Variants in FLNC observed in about 807,000 individuals in gnomAD.
FLNC encodes filamin-C.
In FLNC, 91 loss-of-function variants were observed where a neutral mutation model predicts 254.3. The observed-to-expected ratio is 0.36, with a 90% confidence interval of 0.30 to 0.43. The LOEUF is 0.43. Among genes scored for constraint, FLNC ranks in the 20% least tolerant of loss-of-function variants. The pLI is 1.00. For missense variants in FLNC, 2,853 were observed against 3,802.6 expected (o/e 0.75, Z 6.57); for synonymous variants, 1,430 against 1,577.2 (o/e 0.91, Z 2.21).
chr7:128,843,387 C>T, intron 17 of FLNC, 21 bp from the exon 18 acceptor site: 1 of 1,613,882 alleles, frequency 6.2e-7, no homozygotes. Context: ...GCCCTCACCA[C>T]ATCTCTGGGT....
At position 128,840,191 on chromosome 7, in the gene FLNC, G is replaced by A. The variant is rs748491057; in HGVS notation, c.1549+31G>A. 5.0e-6 allele frequency: 8 copies of A among 1,611,812 alleles called. No individual in the cohort carries two copies. In the East Asian group the frequency reaches 1.3e-4, roughly 27 times the overall value. ...TGCCAGAGCCCAGGGTCGTGAGGGT[G>A]GGGCTGGGGGATCATAAGGGAAGTA... On this transcript the variant is annotated intron_variant, in intron 9 of 47. Coordinates refer to ENST00000325888, the MANE Select transcript of FLNC (RefSeq NM_001458.5).
chr7:128,852,586 A>AC lies in FLNC; in HGVS notation c.5843-3dup. ...AGCAGCCTGATGCCCCAACTCCCCC[A>AC]CCAGGTGATGACTCCATGAGGACCT... On this transcript the variant is annotated splice_region_variant and splice_polypyrimidine_tract_variant and intron_variant, in intron 35 of 47. Coordinates refer to ENST00000325888, the MANE Select transcript of FLNC (RefSeq NM_001458.5). 6.2e-7 allele frequency: 1 copy of AC among 1,613,140 alleles called. No individual in the cohort carries two copies. Among genetic ancestry groups the AC allele is most frequent in the Non-Finnish European group, 8.5e-7 (1 of 1,179,978 alleles).
At chr7:128,853,383 G>A (rs765886858) in intron 37 of FLNC, 86 bp from the exon 38 acceptor site, 7 of 1,543,452 alleles carry the variant, frequency 4.5e-6, no homozygotes, top group Non-Finnish European at 6.2e-6. Flanking sequence ...GCCCATTCTG[G>A]GTGGAGCCTG....
intron 9 of FLNC, 112 bp from the exon 10 acceptor site, chr7:128,840,436 G>T: frequency 6.9e-7 from 1 of 1,446,028 alleles, no homozygotes; most frequent in Non-Finnish European, 9.6e-7. Context: ...GCTCACTACA[G>T]CACTGCCCTC....
chr7:128,849,477 G>A lies in FLNC; in HGVS notation c.5098G>A (p.Gly1700Ser), dbSNP rs1264382469. 3.7e-6 allele frequency: 6 copies of A among 1,614,076 alleles called. No individual in the cohort carries two copies. Among genetic ancestry groups the A allele is most frequent in the African/African-American group, 1.3e-5 (1 of 74,932 alleles). The change falls in exon 30 of 48, where the codon GGT becomes AGT. Residue 1700 changes from glycine (G) to serine (S), a missense_variant. Physicochemically the swap from Gly to Ser is moderately conservative, Grantham distance 56. This residue lies in a region of FLNC where 258 missense variants were observed against 312.3 expected (regional missense o/e 0.83). Transcript: ENST00000325888. ...LDVDVVENHD[G>S]TFDIYYTAPE... ...TGTGGATGTGGTTGAGAACCATGACGGTACCTTTGACATCTACTACACAGC... is the reference window on the plus strand; with the variant it reads ...TGTGGATGTGGTTGAGAACCATGACAGTACCTTTGACATCTACTACACAGC...
rs2128937845 is a variant in FLNC, at chr7:128,849,558, A to G, written c.5179A>G (p.Asn1727Asp). 6.2e-7 allele frequency: 1 copy of G among 1,614,008 alleles called. No individual in the cohort carries two copies. The highest frequency in any genetic ancestry group is 8.5e-7 in the Non-Finnish European group (1 of 1,180,008). The change falls in exon 30 of 48, where the codon AAC becomes GAC. Residue 1727 changes from asparagine (N) to aspartate (D), a missense_variant. By Grantham distance (23) the Asn-to-Asp change is conservative. This residue lies in a region of FLNC where 258 missense variants were observed against 312.3 expected (regional missense o/e 0.83). Transcript: ENST00000325888. ...TIRFGGEHIPNSPFHVLACDP... is the reference protein window; with the variant it reads ...TIRFGGEHIPDSPFHVLACDP... ...CCGCTTCGGGGGTGAGCACATCCCC[A>G]ACAGCCCCTTCCACGTGCTGGTAAG...
chr7:128,853,332 C>G (rs1808904608), intron 37 of FLNC, 137 bp from the exon 38 acceptor site: 3 of 1,122,094 alleles, frequency 2.7e-6, no homozygotes, highest in Non-Finnish European at 1.3e-6. Context: ...CCCGCTCCTC[C>G]CACTGAGCCA....
rs1440938123 is a variant in FLNC, at chr7:128,844,921, G to A, written c.3456G>A (p.Val1152=). The A allele has an allele frequency of 6.2e-7, 1 of 1,613,936 alleles. No homozygotes were observed. The highest frequency in any genetic ancestry group is 1.3e-5 in the African/African-American group (1 of 75,054). The change falls in exon 21 of 48, where the codon GTG becomes GTA. Residue 1152 remains valine, a synonymous_variant. Coordinates refer to ENST00000325888, the MANE Select transcript of FLNC (RefSeq NM_001458.5). ...CCTTCAAAGCCACCATTCGGCCTGTGTTTGACCCGAGCAAGGTGCGGGCCA... is the reference window on the plus strand; with the variant it reads ...CCTTCAAAGCCACCATTCGGCCTGTATTTGACCCGAGCAAGGTGCGGGCCA... ...GSPFKATIRP[V]FDPSKVRASG... is the part of the protein sequence containing the mutation.
intron 24 of FLNC, among the ~76,000 whole-genome samples, 156 bp from the exon 25 acceptor site, chr7:128,847,541 G>T (rs1486854145): frequency 3.3e-5 from 5 of 152,240 alleles, no homozygotes; most frequent in African/African-American, 1.2e-4. Flanking sequence ...ATTCTTGTGT[G>T]TGTTTTCTTA....
Position 128,857,888 on chromosome 7 carries a change from G to A in FLNC, c.7781-120G>A, listed in dbSNP as rs1809135839. The A allele has an allele frequency of 1.3e-6, 1 of 767,606 alleles. No homozygotes were observed. The highest frequency in any genetic ancestry group is 2.0e-5 in the Admixed American group (1 of 49,804). The allele number at this position is 767,606 out of a possible 1,614,324, so 47.5% of individuals were successfully genotyped here. ...AGTGGCCCTTGGAGGAATTTGAGGG[G>A]GAGCCTCAAATGCAGGCAGTGAGTC... On this transcript the variant is annotated intron_variant, in intron 46 of 47. Coordinates refer to ENST00000325888, the MANE Select transcript of FLNC (RefSeq NM_001458.5). This position sits in a 1 kb window ranked among gnomAD's most constrained non-coding sequence, Gnocchi z 4.5.
chr7:128,839,395 A>G (rs1417896826), intron 8 of FLNC, among the ~76,000 whole-genome samples: 1 of 152,142 alleles, frequency 6.6e-6, no homozygotes, highest in Non-Finnish European at 1.5e-5. Flanking sequence ...CCCCTTGGGC[A>G]GTGCCATCGC....
At position 128,837,491 on chromosome 7, in the gene FLNC, G is replaced by A; in HGVS notation, c.793G>A (p.Gly265Ser). Residue 265 changes from glycine to serine, a missense_variant, in exon 4 of 48, where the codon GGT becomes AGT. Gly to Ser is a moderately conservative substitution (Grantham distance 56, BLOSUM62 0). Coordinates refer to ENST00000325888, the MANE Select transcript of FLNC (RefSeq NM_001458.5). Reference sequence around the variant, plus strand: ...GTTCCCCAAGGCCAAGCTCAAACCTGGTGCCCCTGTTCGATCCAAGCAGCT... The same window carrying A: ...GTTCCCCAAGGCCAAGCTCAAACCTAGTGCCCCTGTTCGATCCAAGCAGCT... ...SQFPKAKLKP[G>S]APVRSKQLNP... 1 of 1,614,196 alleles carries A rather than the reference G, an allele frequency of 6.2e-7. No individual in the cohort carries two copies. The highest frequency in any genetic ancestry group is 8.5e-7 in the Non-Finnish European group (1 of 1,180,028).
At chr7:128,852,783 G>A (rs765011236) in intron 36 of FLNC, 31 bp downstream of exon 36, 6 of 1,613,510 alleles carry the variant, frequency 3.7e-6, no homozygotes, top group Non-Finnish European at 5.1e-6. Flanking sequence ...GGACCTCAGG[G>A]GTGGGGGCCC....
Position 128,843,505 on chromosome 7 carries a change from G to A in FLNC, c.2739G>A (p.Glu913=). The change falls in exon 18 of 48, where the codon GAG becomes GAA. Residue 913 remains glutamate (E), a synonymous_variant. Coordinates refer to ENST00000325888, the MANE Select transcript of FLNC (RefSeq NM_001458.5). ...AGTTTGCAGGGACAGCCAAGGGCGAGGTTGTGCGGGACTTTGAGATCATAG... is the reference window on the plus strand; with the variant it reads ...AGTTTGCAGGGACAGCCAAGGGCGAAGTTGTGCGGGACTTTGAGATCATAG... ...DVQFAGTAKG[E]VVRDFEIIDN... 1.9e-6 allele frequency: 3 copies of A among 1,614,062 alleles called. No individual in the cohort carries two copies. The highest frequency in any genetic ancestry group is 2.5e-6 in the Non-Finnish European group (3 of 1,180,028).
At chr7:128,850,182 G>A in intron 31 of FLNC, 108 bp downstream of exon 31, 1 of 1,071,682 alleles carries the variant, frequency 9.3e-7, no homozygotes, top group Non-Finnish European at 1.4e-6. Context: ...GGCCTCTTGG[G>A]GAGCAGGCAA....
Position 128,858,644 on chromosome 7 carries a change from C to T in FLNC, c.*121C>T, listed in dbSNP as rs1809176715. ...CGCACAGAATCAGACACTACAAACA[C>T]CTGCCTTGGGGGTGAAGTGAAGGCC... On this transcript the variant is annotated 3_prime_UTR_variant, in exon 48 of 48. Transcript: ENST00000325888. The surrounding 1 kb of genome is among the most constrained non-coding windows in gnomAD (Gnocchi z 6.7). The T allele has an allele frequency of 1.3e-6, 1 of 795,058 alleles. No homozygotes were observed. Among genetic ancestry groups the T allele is most frequent in the Non-Finnish European group, 2.1e-6 (1 of 476,188 alleles). 49.3% of individuals were successfully genotyped at this position (795,058 alleles called of 1,614,324 possible).
rs1404759777 is a variant in FLNC at position 128,858,696 on chromosome 7, G to A, written c.*173G>A. 1 of 631,190 alleles carries A rather than the reference G, an allele frequency of 1.6e-6. No individual in the cohort carries two copies. The highest frequency in any genetic ancestry group is 1.8e-5 in the African/African-American group (1 of 54,832). The allele number at this position is 631,190 out of a possible 1,614,324, so 39.1% of individuals were successfully genotyped here. A position where few individuals can be genotyped will look rare whatever the true frequency, so the allele number is the denominator to read the frequency against. On this transcript the variant is annotated 3_prime_UTR_variant, in exon 48 of 48. Transcript: ENST00000325888. This position sits in a 1 kb window ranked among gnomAD's most constrained non-coding sequence, Gnocchi z 6.7. ...AGCCTCCCCACCCCACCGCGCCCCA[G>A]GGGTTGGAGGACCTTGTCTGTGTCA... is the stretch of plus-strand genomic sequence containing the variant.
Position 128,838,710 on chromosome 7 carries a change from T to C in FLNC, c.1318T>C (p.Tyr440His). The stretch of plus-strand genomic sequence containing the variant: ...GGGTGACAGCACGTTCCGCTGCACA[T>C]ACAGACCTGCCATGGAGGGGCCACA... ...DKGDSTFRCTYRPAMEGPHTV... is the reference protein window; with the variant it reads ...DKGDSTFRCTHRPAMEGPHTV... Residue 440 changes from tyrosine to histidine, a missense_variant, in exon 8 of 48, where the codon TAC becomes CAC. Transcript: ENST00000325888. 6.2e-7 allele frequency: 1 copy of C among 1,613,000 alleles called. No homozygotes were observed. Among genetic ancestry groups the C allele is most frequent in the Non-Finnish European group, 8.5e-7 (1 of 1,179,992 alleles).
chr7:128,835,466 C>T lies in FLNC; in HGVS notation c.493C>T (p.Leu165=), dbSNP rs1808058238. 6.2e-7 allele frequency: 1 copy of T among 1,613,866 alleles called. No individual in the cohort carries two copies. The highest frequency in any genetic ancestry group is 1.7e-5 in the Admixed American group (1 of 60,016). ...CCGCAAACAGACGCCCAAGCAGCGG[C>T]TGCTTGGCTGGATCCAGAACAAGGT... is the stretch of plus-strand genomic sequence containing the variant. ...DARKQTPKQR[L]LGWIQNKVPQ... The change falls in exon 2 of 48, where the codon CTG becomes TTG. Residue 165 remains leucine, a synonymous_variant. Transcript: ENST00000325888. This position sits in a 1 kb window ranked among gnomAD's most constrained non-coding sequence, Gnocchi z 5.3.
Sources: allele counts gnomAD v4.1 joint callset (sites outside exome capture counted in the v4.1 genomes callset), GRCh38; gene constraint gnomAD v4.1.1; regional missense constraint gnomAD v4.1.1; non-coding constraint Gnocchi (gnomAD v3.1); transcripts MANE v1.5; gene names NCBI Gene and HGNC (gene_info 2026-07-23, HGNC 2026-07-21).